The following DBNDD1 variants were observed in gnomAD, a reference collection of about 807,000 sequenced individuals.
The protein encoded by DBNDD1 is dysbindin domain containing 1, also known as dysbindin domain-containing protein 1.
Under a neutral mutation model 17.0 loss-of-function variants are expected in DBNDD1, and 14 were observed. That is an observed-to-expected ratio of 0.82 (90% CI 0.54 to 1.29). DBNDD1 has a LOEUF of 1.29. Among genes scored for constraint, DBNDD1 ranks in the 50% most tolerant of loss-of-function variants. DBNDD1 has a pLI of 0.00. For synonymous variants in DBNDD1, 105 were observed against 102.0 expected, an observed-to-expected ratio of 1.03 and a Z score of -0.18; for missense variants, 221 against 216.2, an observed-to-expected ratio of 1.02 and a Z score of -0.14.
chr16:90,015,969 A>C (rs1302133281), intron 1 of DBNDD1, among the ~76,000 whole-genome samples: 1 of 152,210 alleles, frequency 6.6e-6, no homozygotes, highest in African/African-American at 2.4e-5. Flanking sequence ...AGTGAGTTGT[A>C]CACTTTAAAA....
chr16:90,009,241 A>T (rs1375648491), intron 2 of DBNDD1, 43 bp downstream of exon 2: 1 of 1,606,734 alleles, frequency 6.2e-7, no homozygotes, highest in Non-Finnish European at 8.5e-7. Context: ...GGGGGAGCTC[A>T]CGGGGTCCCC....
intron 1 of DBNDD1, chr16:90,009,880 A>G: frequency 6.9e-6 from 10 of 1,440,952 alleles, no homozygotes; most frequent in Non-Finnish European, 9.7e-6. Context: ...TCCACTGTGG[A>G]CTGACTTTTC....
chr16:90,010,329 C>T, intron 1 of DBNDD1: 1 of 238,694 alleles, frequency 4.2e-6, no homozygotes, highest in Non-Finnish European at 8.0e-6. Flanking sequence ...GTGTGAGCCA[C>T]CGAGCCTGGC....
chr16:90,012,534 A>G (rs1239049766), intron 1 of DBNDD1, among the ~76,000 whole-genome samples: 3 of 149,710 alleles, frequency 2.0e-5, no homozygotes, highest in Admixed American at 2.0e-4. Context: ...ATCTTGGCTC[A>G]TCAAAACCTC....
rs560662638 is a variant in DBNDD1, at chr16:90,018,201, C to T, written c.31+1110G>A. Among the ~76,000 whole-genome samples, 32 of 152,332 alleles carry T rather than the reference C, an allele frequency of 2.1e-4. No homozygotes were observed. In the South Asian group the frequency reaches 6.2e-3, roughly 30 times the overall value. On this transcript the variant is annotated intron_variant, in intron 1 of 3. Transcript: ENST00000002501. ...CCAACCTCCAGGCTTCCTATGTCCA[C>T]AAAGCTGCTACTGGGAATACCCAGG...
In DBNDD1 at chr16:90,019,384, C is replaced by G. The variant is rs1242637098; in HGVS notation, c.-43G>C. 1 of 1,191,830 alleles carries G rather than the reference C, an allele frequency of 8.4e-7. No homozygotes were observed. Among genetic ancestry groups the G allele is most frequent in the South Asian group, 4.2e-5 (1 of 23,914 alleles). 73.8% of individuals were successfully genotyped at this position (1,191,830 alleles called of 1,614,324 possible). A position where few individuals can be genotyped will look rare whatever the true frequency, so the allele number is the denominator to read the frequency against. On this transcript the variant is annotated 5_prime_UTR_variant, in exon 1 of 4. Transcript: ENST00000002501. The surrounding 1 kb of genome is among the most constrained non-coding windows in gnomAD (Gnocchi z 6.1). ...GGAGGGGCACGGGCGACGGCGGCGT[C>G]GCCTGGCCCGGGCGCCCCAACAGCT...
intron 1 of DBNDD1, among the ~76,000 whole-genome samples, chr16:90,016,233 G>C (rs1009092607): frequency 1.3e-5 from 2 of 152,170 alleles, no homozygotes; most frequent in African/African-American, 4.8e-5. Flanking sequence ...GCGCACAGTA[G>C]GTGCGCAGTA....
At chr16:90,014,207 A>G (rs2035601207) in intron 1 of DBNDD1, among the ~76,000 whole-genome samples, 1 of 151,744 alleles carries the variant, frequency 6.6e-6, no homozygotes, top group South Asian at 2.1e-4. Context: ...GCTCACTGCA[A>G]ACTCCACCTC....
chr16:90,008,153 C>T (rs557443326), intron 3 of DBNDD1, among the ~76,000 whole-genome samples: 4 of 121,036 alleles, frequency 3.3e-5, no homozygotes, highest in African/African-American at 8.9e-5. Context: ...CCTCCCAGGA[C>T]GTCCCAAGGG....
intron 1 of DBNDD1, among the ~76,000 whole-genome samples, chr16:90,012,449 C>T (rs946245674): frequency 3.3e-5 from 5 of 151,570 alleles, no homozygotes; most frequent in Non-Finnish European, 7.4e-5. Context: ...AGGGGCACCC[C>T]CTCCTCTCCT....
intron 3 of DBNDD1, among the ~76,000 whole-genome samples, chr16:90,008,147 C>T (rs1461869194): frequency 8.0e-6 from 1 of 125,104 alleles, no homozygotes; most frequent in Non-Finnish European, 1.7e-5. Flanking sequence ...CGCACACCTC[C>T]CAGGACGTCC....
chr16:90,010,182 AT>A, intron 1 of DBNDD1: 1 of 734,190 alleles, frequency 1.4e-6, no homozygotes, highest in Non-Finnish European at 2.2e-6. Flanking sequence ...AGTAGATGGG[AT>A]TACAGGCATG....
chr16:90,017,789 G>C (rs1198437765), intron 1 of DBNDD1, among the ~76,000 whole-genome samples: 1 of 152,196 alleles, frequency 6.6e-6, no homozygotes, highest in Non-Finnish European at 1.5e-5. Flanking sequence ...ACAGGAGTTG[G>C]TGTCAAGAGC....
At chr16:90,015,512 G>A (rs1331792570) in intron 1 of DBNDD1, among the ~76,000 whole-genome samples, 1 of 152,188 alleles carries the variant, frequency 6.6e-6, no homozygotes, top group African/African-American at 2.4e-5. Flanking sequence ...GACTTTGAGG[G>A]AGGTGGGCAC....
chr16:90,015,985 A>G (rs1281302823), intron 1 of DBNDD1, among the ~76,000 whole-genome samples: 2 of 152,228 alleles, frequency 1.3e-5, no homozygotes, highest in Non-Finnish European at 2.9e-5. Context: ...TAAAAGGGTG[A>G]ACTTTATATG....
In DBNDD1 at chr16:90,006,234, C is replaced by T; in HGVS notation, c.*101G>A. The T allele has an allele frequency of 2.1e-6, 3 of 1,437,328 alleles. No individual in the cohort carries two copies. The highest frequency in any genetic ancestry group is 1.4e-5 in the South Asian group (1 of 73,284). The allele number at this position is 1,437,328 out of a possible 1,614,324, so 89.0% of individuals were successfully genotyped here. A position where few individuals can be genotyped will look rare whatever the true frequency, so the allele number is the denominator to read the frequency against. ...GTGTGTCAGGAGGTGACGGCTGGAG[C>T]CTCGTGGGCGGGTGAAGTGTGTCTG... is the stretch of plus-strand genomic sequence containing the variant. On this transcript the variant is annotated 3_prime_UTR_variant, in exon 4 of 4. Transcript: ENST00000002501.
intron 1 of DBNDD1, chr16:90,010,168 C>G: frequency 1.1e-6 from 1 of 873,012 alleles, no homozygotes; most frequent in Non-Finnish European, 1.8e-6. Context: ...GCCTCATCCC[C>G]CTGAGTAGAT....
intron 2 of DBNDD1, 128 bp from the exon 3 acceptor site, chr16:90,009,052 G>T: frequency 7.7e-7 from 1 of 1,304,068 alleles, no homozygotes; most frequent in South Asian, 1.5e-5. Flanking sequence ...TTCCTGCAAA[G>T]CCCACACCGG....
chr16:90,019,595 G>A, upstream of DBNDD1: 1 of 295,598 alleles, frequency 3.4e-6, no homozygotes, highest in Non-Finnish European at 6.2e-6. This position sits in a 1 kb window ranked among gnomAD's most constrained non-coding sequence, Gnocchi z 6.1. Context: ...CGCGCCCCCT[G>A]CTGGCCCCTG....
Sources: gnomAD v4.1 joint callset for allele counts (sites outside exome capture counted in the v4.1 genomes callset) on GRCh38, gnomAD v4.1.1 for gene constraint, Gnocchi (gnomAD v3.1) non-coding constraint, MANE v1.5 for transcripts, NCBI Gene and HGNC (gene_info 2026-07-23, HGNC 2026-07-21) for gene names.